Variants in NRG3 observed in about 807,000 individuals in gnomAD.
The protein encoded by NRG3 is neuregulin 3, also known as pro-neuregulin-3, membrane-bound isoform.
A neutral mutation model predicts 66.9 loss-of-function variants in NRG3; 31 were observed. That is an observed-to-expected ratio of 0.46 (90% CI 0.35 to 0.63). The LOEUF is 0.63. Among genes scored for constraint, NRG3 ranks in the 20% least tolerant of loss-of-function variants. NRG3 has a pLI of 0.00. For missense variants in NRG3, 910 were observed against 878.9 expected, an observed-to-expected ratio of 1.04 and a Z score of -0.45; for synonymous variants, 393 against 359.4, an observed-to-expected ratio of 1.09 and a Z score of -1.06.
chr10:82,193,828 G>A (rs1008658839), intron 1 of NRG3, among the ~76,000 whole-genome samples: 1 of 152,128 alleles, frequency 6.6e-6, no homozygotes, highest in African/African-American at 2.4e-5. Flanking sequence ...TACCCTAAGG[G>A]GAGTAGTCAT....
At chr10:82,316,522 T>A (rs1388728997) in intron 1 of NRG3, among the ~76,000 whole-genome samples, 1 of 152,134 alleles carries the variant, frequency 6.6e-6, no homozygotes, top group Non-Finnish European at 1.5e-5. Flanking sequence ...GGACCCTTTT[T>A]TCCCCCTCCT....
At chr10:82,439,550 T>TA (rs1484104181) in intron 2 of NRG3, among the ~76,000 whole-genome samples, 2 of 152,090 alleles carry the variant, frequency 1.3e-5, no homozygotes, top group Non-Finnish European at 2.9e-5. Context: ...AAGTGTATCA[T>TA]CATAATATCT....
chr10:82,940,557 C>G (rs1848497127), intron 4 of NRG3, among the ~76,000 whole-genome samples: 1 of 152,110 alleles, frequency 6.6e-6, no homozygotes, highest in Non-Finnish European at 1.5e-5. Flanking sequence ...CTTTCTTAGT[C>G]CATCTGGGCT....
chr10:82,216,718 A>T lies in NRG3; in HGVS notation c.824-142021A>T, dbSNP rs2075707054. Among the ~76,000 whole-genome samples, 11 of 151,922 alleles carry T rather than the reference A, an allele frequency of 7.2e-5. No individual in the cohort carries two copies. In the South Asian group the frequency reaches 2.3e-3, roughly 31 times the overall value. The stretch of plus-strand genomic sequence containing the variant: ...CAGTCTCATAGCTACAGACTCTGTA[A>T]TGTTTTTTGTTAAACTGAAAATAAT... On this transcript the variant is annotated intron_variant, in intron 1 of 8. Coordinates refer to ENST00000372141, the MANE Select transcript of NRG3 (RefSeq NM_001010848.4).
intron 1 of NRG3, among the ~76,000 whole-genome samples, chr10:82,196,641 A>G (rs2074466194): frequency 6.6e-6 from 1 of 152,218 alleles, no homozygotes; most frequent in Non-Finnish European, 1.5e-5. Context: ...AATTATTAAT[A>G]AAATATGTCA....
At chr10:82,401,202 A>C (rs948366375) in intron 2 of NRG3, among the ~76,000 whole-genome samples, 1 of 152,192 alleles carries the variant, frequency 6.6e-6, no homozygotes, top group Non-Finnish European at 1.5e-5. Flanking sequence ...AGAAGATTTT[A>C]CACATAAACA....
intron 1 of NRG3, among the ~76,000 whole-genome samples, chr10:82,197,874 C>A (rs1378719237): frequency 6.6e-6 from 1 of 151,984 alleles, no homozygotes; most frequent in Non-Finnish European, 1.5e-5. Flanking sequence ...TTATTGTAAA[C>A]CAAATAGAAG....
intron 3 of NRG3, among the ~76,000 whole-genome samples, chr10:82,774,495 G>A (rs1462891258): frequency 1.3e-5 from 2 of 151,914 alleles, no homozygotes; most frequent in Non-Finnish European, 2.9e-5. Flanking sequence ...TTCAATCTTG[G>A]TAGGCTGTAT....
intron 1 of NRG3, among the ~76,000 whole-genome samples, chr10:82,022,350 A>G (rs1286691363): frequency 2.0e-5 from 3 of 152,082 alleles, no homozygotes; most frequent in African/African-American, 7.2e-5. Context: ...CACCACTGGG[A>G]GAATGACAAA....
intron 3 of NRG3, among the ~76,000 whole-genome samples, chr10:82,775,903 A>C (rs924332820): frequency 6.6e-6 from 1 of 152,076 alleles, no homozygotes; most frequent in African/African-American, 2.4e-5. Flanking sequence ...TTAATAGCTT[A>C]TTGTAGCTAT....
chr10:82,937,040 A>C (rs1848140483), intron 4 of NRG3, among the ~76,000 whole-genome samples: 1 of 152,182 alleles, frequency 6.6e-6, no homozygotes, highest in African/African-American at 2.4e-5. Context: ...TGATTCGTGG[A>C]GCATCAGTAT....
At chr10:82,530,589 C>T (rs538247292) in intron 2 of NRG3, among the ~76,000 whole-genome samples, 1 of 151,978 alleles carries the variant, frequency 6.6e-6, no homozygotes, top group Admixed American at 6.6e-5. Context: ...TTACCAAACT[C>T]AGTTGGGAAA....
chr10:82,296,839 G>A (rs1046626953), intron 1 of NRG3, among the ~76,000 whole-genome samples: 2 of 151,718 alleles, frequency 1.3e-5, no homozygotes, highest in African/African-American at 2.4e-5. Flanking sequence ...GGGTATATTT[G>A]GTGATGCTGG....
At chr10:82,749,967 ATTT>A (rs1249049292) in intron 3 of NRG3, among the ~76,000 whole-genome samples, 3 of 152,128 alleles carry the variant, frequency 2.0e-5, no homozygotes, top group African/African-American at 7.2e-5. Flanking sequence ...CTTTGGATAA[ATTT>A]CAATCACATC....
chr10:82,208,182 G>A (rs2075219949), intron 1 of NRG3, among the ~76,000 whole-genome samples: 1 of 152,074 alleles, frequency 6.6e-6, no homozygotes, highest in South Asian at 2.1e-4. Flanking sequence ...TCTGAGGAGA[G>A]GCAGCATAAC....
At chr10:82,550,437 G>A (rs180741524) in intron 2 of NRG3, among the ~76,000 whole-genome samples, 90 of 152,096 alleles carry the variant, frequency 5.9e-4, no homozygotes, top group African/African-American at 2.0e-3. Context: ...TCCACTGACT[G>A]GTTCTATCAT....
intron 4 of NRG3, among the ~76,000 whole-genome samples, chr10:82,900,063 G>A (rs998240447): frequency 2.0e-5 from 3 of 152,132 alleles, no homozygotes; most frequent in Non-Finnish European, 2.9e-5. Flanking sequence ...ATGGCAGAAG[G>A]CAAAGGGGCA....
intron 1 of NRG3, among the ~76,000 whole-genome samples, chr10:81,966,483 T>C (rs1347982175): frequency 6.6e-6 from 1 of 152,078 alleles, no homozygotes; most frequent in Non-Finnish European, 1.5e-5. Context: ...TATTTATTTA[T>C]ATTTTTTGTA....
Position 82,517,996 on chromosome 10 carries a change from T to C in NRG3, c.953+159128T>C, listed in dbSNP as rs561302303. ...TCCTATGGGATAGATCTACGCGTAT[T>C]TGGGGAAACACATTGGCCAGTGGTC... On this transcript the variant is annotated intron_variant, in intron 2 of 8. Coordinates refer to ENST00000372141, the MANE Select transcript of NRG3 (RefSeq NM_001010848.4). Among the ~76,000 whole-genome samples the C allele has an allele frequency of 4.6e-5, 7 of 152,220 alleles. No individual in the cohort carries two copies. In the South Asian group the frequency reaches 1.2e-3, roughly 27 times the overall value.
Sources: gnomAD v4.1 joint callset for allele counts (sites outside exome capture counted in the v4.1 genomes callset) on GRCh38, gnomAD v4.1.1 for gene constraint, MANE v1.5 for transcripts, NCBI Gene and HGNC (gene_info 2026-07-23, HGNC 2026-07-21) for gene names.